MAGI2: variants seen among roughly 807,000 people sequenced by gnomAD.
MAGI2 encodes membrane-associated guanylate kinase, WW and PDZ domain-containing protein 2.
A neutral mutation model predicts 133.3 loss-of-function variants in MAGI2; 35 were observed. That is an observed-to-expected ratio of 0.26 (90% CI 0.20 to 0.35). The LOEUF (loss-of-function observed/expected upper bound fraction) is 0.35. MAGI2 is among the 10% of genes least tolerant of loss of function. The probability of loss-of-function intolerance (pLI) is 1.00; values close to 1 mark genes in which losing one functional copy is unlikely to be tolerated. For synonymous variants in MAGI2, 729 were observed against 710.6 expected (o/e 1.03, Z -0.41); for missense variants, 1,636 against 1,863.4 (o/e 0.88, Z 2.25).
At chr7:78,791,581 G>T (rs927313947) in intron 2 of MAGI2, among the ~76,000 whole-genome samples, 16 of 122,824 alleles carry the variant, frequency 1.3e-4, no homozygotes, top group African/African-American at 3.8e-4. Context: ...TTGCTCTGTT[G>T]CCCAGGCTAG....
intron 1 of MAGI2, among the ~76,000 whole-genome samples, chr7:79,331,278 G>A (rs777917725): frequency 1.3e-5 from 2 of 151,938 alleles, no homozygotes; most frequent in Non-Finnish European, 2.9e-5. Context: ...AATATGCAAA[G>A]TTTCACCAGT....
At chr7:78,109,619 A>G (rs111964062) in intron 20 of MAGI2, among the ~76,000 whole-genome samples, 24,720 of 152,166 alleles carry the variant, frequency 0.16, 2,243 homozygotes, top group South Asian at 0.24. Context: ...GAGACATAGC[A>G]AGACTCCGTC....
chr7:78,616,173 C>G (rs1232882682), intron 3 of MAGI2: 1 of 152,178 alleles, frequency 6.6e-6, no homozygotes, highest in African/African-American at 2.4e-5. Flanking sequence ...TGAGAAAACA[C>G]ACATTCTAGT....
chr7:78,046,666 G>A (rs530933191), intron 21 of MAGI2, among the ~76,000 whole-genome samples: 27 of 152,066 alleles, frequency 1.8e-4, no homozygotes, highest in Middle Eastern at 3.4e-3. Flanking sequence ...TTTAATCAAC[G>A]TCCTCTACCA....
At chr7:78,913,825 T>C (rs1458841610) in intron 2 of MAGI2, among the ~76,000 whole-genome samples, 1 of 152,148 alleles carries the variant, frequency 6.6e-6, no homozygotes, top group Non-Finnish European at 1.5e-5. Flanking sequence ...AAAAAGGAAA[T>C]GACAATTAAA....
intron 3 of MAGI2, among the ~76,000 whole-genome samples, chr7:78,560,538 CT>C (rs1474553091): frequency 1.3e-5 from 2 of 152,082 alleles, no homozygotes; most frequent in Non-Finnish European, 2.9e-5. Context: ...AATCTAAATA[CT>C]TTAAAATTTT....
intron 2 of MAGI2, among the ~76,000 whole-genome samples, chr7:78,951,957 C>A (rs1408280475): frequency 6.6e-6 from 1 of 152,120 alleles, no homozygotes; most frequent in Non-Finnish European, 1.5e-5. Flanking sequence ...CACATGCCTG[C>A]AATTTAAACT....
chr7:78,784,268 C>T (rs1826631182), intron 2 of MAGI2, among the ~76,000 whole-genome samples: 2 of 151,078 alleles, frequency 1.3e-5, no homozygotes, highest in Non-Finnish European at 2.9e-5. Context: ...GGCATGTTGG[C>T]ATGCTGAGTA....
rs558268916 is a variant in MAGI2, at chr7:78,747,664, TCTCC to T, written c.419-120429_419-120426del. 2.0e-5 allele frequency among the ~76,000 whole-genome samples: 3 copies of T among 152,196 alleles called. No homozygotes were observed. The South Asian group carries it at 6.2e-4, about 32-fold the overall frequency. On this transcript the variant is annotated intron_variant, in intron 2 of 21. Coordinates refer to ENST00000354212, the MANE Select transcript of MAGI2 (RefSeq NM_012301.4). ...GGAGCTGCTCAACTAACGCAGAATC[TCTCC>T]CTGTCATACCAGCCCTGATCTCACT...
In MAGI2 at chr7:78,256,391, T is replaced by C. The variant is rs1792978218; in HGVS notation, c.1599A>G (p.Pro533=). The C allele has an allele frequency of 6.2e-7, 1 of 1,613,838 alleles. No homozygotes were observed. Among genetic ancestry groups the C allele is most frequent in the Non-Finnish European group, 8.5e-7 (1 of 1,179,922 alleles). Reference sequence around the variant, plus strand: ...GTCTTCCATTGACCATCACTGGAGGTGGCCTCTCCATTATTGCAAGGGGTG... The same window carrying C: ...GTCTTCCATTGACCATCACTGGAGGCGGCCTCTCCATTATTGCAAGGGGTG... ...MVPPLAIMER[P]PPVMVNGRHN... is the part of the protein sequence containing the mutation. Residue 533 remains proline, a synonymous_variant, in exon 10 of 22, where the codon CCA becomes CCG. Coordinates refer to ENST00000354212, the MANE Select transcript of MAGI2 (RefSeq NM_012301.4).
chr7:78,559,501 A>G (rs1286969336), intron 3 of MAGI2, among the ~76,000 whole-genome samples: 1 of 152,152 alleles, frequency 6.6e-6, no homozygotes, highest in Non-Finnish European at 1.5e-5. Context: ...TGTAAATTTG[A>G]TATTAATGAG....
chr7:78,218,432 A>G (rs1224458136), intron 10 of MAGI2, among the ~76,000 whole-genome samples: 1 of 152,240 alleles, frequency 6.6e-6, no homozygotes, highest in Non-Finnish European at 1.5e-5. Context: ...TTTGGTTTTA[A>G]TCTTAGAAAA....
intron 1 of MAGI2, among the ~76,000 whole-genome samples, chr7:79,098,357 C>T (rs1304824907): frequency 1.3e-5 from 2 of 152,168 alleles, no homozygotes; most frequent in Non-Finnish European, 2.9e-5. Context: ...TGTTATTTTA[C>T]ATTTCCTGTC....
chr7:78,112,460 A>G (rs1819448799), intron 20 of MAGI2, among the ~76,000 whole-genome samples: 2 of 152,212 alleles, frequency 1.3e-5, no homozygotes, highest in African/African-American at 4.8e-5. Context: ...GCATATCTGA[A>G]CAGGGACGAT....
intron 1 of MAGI2, among the ~76,000 whole-genome samples, chr7:79,444,054 A>T (rs543375418): frequency 1.3e-5 from 2 of 152,308 alleles, no homozygotes; most frequent in Admixed American, 1.3e-4. Flanking sequence ...CAGAACCAAC[A>T]ATAAAAACCA....
Position 78,057,997 on chromosome 7 carries a change from A to G in MAGI2, c.3706+20950T>C, listed in dbSNP as rs367719437. Among the ~76,000 whole-genome samples, 248 of 39,966 alleles carry G rather than the reference A, an allele frequency of 6.2e-3. 18 individuals are homozygous for G. The highest frequency in any genetic ancestry group is 0.022 in the African/African-American group (142 of 6,550). The allele number at this position is 39,966 out of a possible 152,430, so 26.2% of individuals were successfully genotyped here. On this transcript the variant is annotated intron_variant, in intron 21 of 21. Transcript: ENST00000354212. ...TATGTGTATATATATATATATATAT[A>G]TATATATGTATGAGAAACATCTTGA...
At chr7:79,327,747 T>C (rs1300405972) in intron 1 of MAGI2, among the ~76,000 whole-genome samples, 1 of 151,974 alleles carries the variant, frequency 6.6e-6, no homozygotes, top group Non-Finnish European at 1.5e-5. Context: ...AACACACTCT[T>C]TAGATGGAAT....
intron 3 of MAGI2, among the ~76,000 whole-genome samples, chr7:78,527,029 A>AAAAAAAAAAAAAAAAAAAAAAAAAAG (rs1563125198): frequency 1.6e-5 from 2 of 124,830 alleles, no homozygotes; most frequent in Non-Finnish European, 3.5e-5. Flanking sequence ...AAAAAAAAAA[A>AAAAAAAAAAAAAAAAAAAAAAAAAAG]AAAAAGAAAA....
chr7:78,756,282 C>G (rs1823935591), intron 2 of MAGI2, among the ~76,000 whole-genome samples: 1 of 152,214 alleles, frequency 6.6e-6, no homozygotes, highest in South Asian at 2.1e-4. Context: ...TTATTCCCCA[C>G]TGTAATTACT....
Sources: gnomAD v4.1 joint callset for allele counts (sites outside exome capture counted in the v4.1 genomes callset) on GRCh38, gnomAD v4.1.1 for gene constraint, MANE v1.5 for transcripts, NCBI Gene and HGNC (gene_info 2026-07-23, HGNC 2026-07-21) for gene names.